Variants in CPED1 observed in about 807,000 individuals in gnomAD.
CPED1 encodes cadherin-like and PC-esterase domain-containing protein 1.
In CPED1, 114 loss-of-function variants were observed where a neutral mutation model predicts 128.2. That is an observed-to-expected ratio of 0.89 (90% CI 0.76 to 1.04). CPED1 has a LOEUF of 1.04. CPED1 is among the 50% of genes least tolerant of loss of function. The pLI is 0.00. For synonymous variants in CPED1, 462 were observed against 426.7 expected (o/e 1.08, Z -1.02); for missense variants, 1,211 against 1,207.1 (o/e 1.00, Z -0.05).
chr7:121,100,294 A>T (rs544333925), intron 7 of CPED1, among the ~76,000 whole-genome samples, 200 bp downstream of exon 7: 2 of 152,272 alleles, frequency 1.3e-5, no homozygotes, highest in South Asian at 4.2e-4. Context: ...TTCACTAGGG[A>T]TCACAAAGGC....
chr7:121,156,102 A>G (rs914867808), intron 16 of CPED1, among the ~76,000 whole-genome samples: 1 of 152,194 alleles, frequency 6.6e-6, no homozygotes, highest in Non-Finnish European at 1.5e-5. Flanking sequence ...TGTTCAACAT[A>G]CTAACCATCA....
chr7:121,081,777 T>C (rs1261183124), intron 5 of CPED1, among the ~76,000 whole-genome samples: 1 of 152,200 alleles, frequency 6.6e-6, no homozygotes, highest in Non-Finnish European at 1.5e-5. Flanking sequence ...ATGGTGGGCT[T>C]TATGATTTAT....
At chr7:121,110,205 A>G (rs953163892) in intron 7 of CPED1, among the ~76,000 whole-genome samples, 2 of 152,154 alleles carry the variant, frequency 1.3e-5, no homozygotes, top group Admixed American at 6.5e-5. Context: ...GATTCCTGCT[A>G]CAAGTATTTA....
chr7:121,016,631 T>C (rs1014935414), intron 3 of CPED1, among the ~76,000 whole-genome samples: 2 of 152,226 alleles, frequency 1.3e-5, no homozygotes, highest in Admixed American at 1.3e-4. Flanking sequence ...GATGGACAGA[T>C]GGTGATACCT....
intron 5 of CPED1, among the ~76,000 whole-genome samples, chr7:121,093,222 G>T (rs1266572393): frequency 6.6e-6 from 1 of 152,062 alleles, no homozygotes. Context: ...AGGCATCATG[G>T]TGAAGGAAAA....
At chr7:121,078,170 G>A (rs759689924) in intron 5 of CPED1, among the ~76,000 whole-genome samples, 10 of 151,806 alleles carry the variant, frequency 6.6e-5, no homozygotes, top group Non-Finnish European at 1.0e-4. Context: ...TCAGTCTCCC[G>A]AGTAGCTGGG....
Position 120,989,556 on chromosome 7 carries a change from G to T in CPED1, c.-66G>T. 1 of 1,576,590 alleles carries T rather than the reference G, an allele frequency of 6.3e-7. No individual in the cohort carries two copies. On this transcript the variant is annotated 5_prime_UTR_variant, in exon 2 of 23. Transcript: ENST00000310396. ...AAGACAGATTAGTATTTTTCATGCT[G>T]ACAAAAAATAGCTGCTATGACTTTT... is the stretch of plus-strand genomic sequence containing the variant.
intron 14 of CPED1, among the ~76,000 whole-genome samples, chr7:121,137,395 G>A (rs965849459): frequency 6.6e-6 from 1 of 151,900 alleles, no homozygotes; most frequent in African/African-American, 2.4e-5. Flanking sequence ...CTGGTCTTGA[G>A]TTCCTGATCT....
At chr7:121,283,138 T>A (rs749835243) in intron 22 of CPED1, among the ~76,000 whole-genome samples, 2 of 152,236 alleles carry the variant, frequency 1.3e-5, no homozygotes, top group Non-Finnish European at 1.5e-5. Flanking sequence ...CTGTTTTAAA[T>A]CTACATTCCT....
intron 16 of CPED1, among the ~76,000 whole-genome samples, chr7:121,223,130 A>G (rs1444322223): frequency 6.6e-6 from 1 of 152,184 alleles, no homozygotes; most frequent in African/African-American, 2.4e-5. Flanking sequence ...GATACGTTCC[A>G]TCAATACCTA....
chr7:120,994,440 G>C (rs1486886295), intron 2 of CPED1, among the ~76,000 whole-genome samples: 1 of 152,126 alleles, frequency 6.6e-6, no homozygotes, highest in Non-Finnish European at 1.5e-5. Flanking sequence ...CTGTGAGACA[G>C]ACAAGTAAAT....
At chr7:121,217,793 A>G (rs905691023) in intron 16 of CPED1, among the ~76,000 whole-genome samples, 2 of 152,036 alleles carry the variant, frequency 1.3e-5, no homozygotes, top group Non-Finnish European at 2.9e-5. Context: ...AGAATTTAAT[A>G]TATCACTGTG....
rs115939604 is a variant in CPED1 at position 121,162,507 on chromosome 7, G to A, written c.2055+20366G>A. ...AAATGATAAACTTAATGTGTGTGTG[G>A]GAGGAAGGATGGTAATTGAAGAGAA... On this transcript the variant is annotated intron_variant, in intron 16 of 22. Coordinates refer to ENST00000310396, the MANE Select transcript of CPED1 (RefSeq NM_024913.5). Among the ~76,000 whole-genome samples, 1,013 of 152,244 alleles carry A rather than the reference G, an allele frequency of 6.7e-3. 13 individuals are homozygous for A. The highest frequency in any genetic ancestry group is 0.022 in the African/African-American group (907 of 41,542).
chr7:121,097,007 T>C (rs569987534), intron 5 of CPED1, among the ~76,000 whole-genome samples: 3 of 152,266 alleles, frequency 2.0e-5, no homozygotes, highest in East Asian at 1.9e-4. Context: ...TACGTAAGCA[T>C]TGGTTTTTGG....
intron 16 of CPED1, among the ~76,000 whole-genome samples, chr7:121,190,477 C>T (rs941170550): frequency 6.6e-6 from 1 of 151,036 alleles, no homozygotes; most frequent in Non-Finnish European, 1.5e-5. Flanking sequence ...TGGCATAATC[C>T]GATTTAGTTT....
chr7:121,014,556 A>T (rs577396213), intron 2 of CPED1, among the ~76,000 whole-genome samples: 1 of 149,556 alleles, frequency 6.7e-6, no homozygotes, highest in South Asian at 2.1e-4. Context: ...TCTCAAAAAA[A>T]AAAAATAATA....
At chr7:121,026,093 C>T (rs1321963922) in intron 3 of CPED1, among the ~76,000 whole-genome samples, 1 of 152,184 alleles carries the variant, frequency 6.6e-6, no homozygotes, top group Non-Finnish European at 1.5e-5. Context: ...TCCTTAAGCT[C>T]TGAGCGATCA....
At chr7:121,139,741 G>A (rs1345322664) in intron 14 of CPED1, among the ~76,000 whole-genome samples, 3 of 152,100 alleles carry the variant, frequency 2.0e-5, no homozygotes, top group East Asian at 1.9e-4. Flanking sequence ...TTATAGCTAC[G>A]TAAAAGCAGG....
At chr7:121,007,340 G>A (rs1274470476) in intron 2 of CPED1, among the ~76,000 whole-genome samples, 1 of 150,260 alleles carries the variant, frequency 6.7e-6, no homozygotes, top group East Asian at 2.0e-4. Flanking sequence ...TTTCAGAAAG[G>A]CACCGTATGG....
Sources: allele counts gnomAD v4.1 joint callset (sites outside exome capture counted in the v4.1 genomes callset), GRCh38; gene constraint gnomAD v4.1.1; transcripts MANE v1.5; gene names NCBI Gene and HGNC (gene_info 2026-07-23, HGNC 2026-07-21).